The following SLC24A3 variants were observed in gnomAD, a reference collection of about 807,000 sequenced individuals.
SLC24A3 encodes solute carrier family 24 member 3.
SLC24A3 carries 28 observed loss-of-function variants against 75.8 expected under a neutral mutation model. The ratio of observed to expected loss-of-function variants is 0.37; its 90% CI spans 0.27 to 0.51. The LOEUF is 0.51. Among genes scored for constraint, SLC24A3 ranks in the 20% least tolerant of loss-of-function variants. The pLI is 0.94. For missense variants in SLC24A3, 663 were observed against 847.8 expected (o/e 0.78, Z 2.71); for synonymous variants, 372 against 334.1 (o/e 1.11, Z -1.24).
At chr20:19,692,370 A>G (rs1195504449) in intron 12 of SLC24A3, among the ~76,000 whole-genome samples, 1 of 152,218 alleles carries the variant, frequency 6.6e-6, no homozygotes, top group Non-Finnish European at 1.5e-5. Context: ...CAAACTGGCA[A>G]CAAACAAATG....
intron 15 of SLC24A3, among the ~76,000 whole-genome samples, chr20:19,703,493 A>G (rs2032896370): frequency 6.6e-6 from 1 of 152,222 alleles, no homozygotes; most frequent in Non-Finnish European, 1.5e-5. Context: ...GCAGCAAGCA[A>G]TCCCTTTGTA....
rs531616364 is a variant in SLC24A3, at chr20:19,644,100, G to T, written c.613-9962G>T. ...AGGGTTGCTGCTCAAAATAGATGAA[G>T]TATGAAGCCCCAAACAAGTGGTGCT... On this transcript the variant is annotated intron_variant, in intron 6 of 16. Coordinates refer to ENST00000328041, the MANE Select transcript of SLC24A3 (RefSeq NM_020689.4). Among the ~76,000 whole-genome samples, 9 of 152,270 alleles carry T rather than the reference G, an allele frequency of 5.9e-5. No individual in the cohort carries two copies. In the East Asian group the frequency reaches 1.7e-3, roughly 29 times the overall value.
chr20:19,555,760 T>A (rs2030772411), intron 3 of SLC24A3, among the ~76,000 whole-genome samples: 1 of 152,192 alleles, frequency 6.6e-6, no homozygotes, highest in African/African-American at 2.4e-5. Flanking sequence ...TAAATTACTC[T>A]GAGTTTTGAA....
Position 19,262,712 on chromosome 20 carries a change from A to T in SLC24A3, c.143-18247A>T, listed in dbSNP as rs143962397. ...ATGGGGACTGGTGGAAGGGATCTTG[A>T]GAAAAAGACAATGTGTGTGGTATCT... On this transcript the variant is annotated intron_variant, in intron 1 of 16. Transcript: ENST00000328041. Among the ~76,000 whole-genome samples, 345 of 152,244 alleles carry T rather than the reference A, an allele frequency of 2.3e-3. 3 individuals are homozygous for T. The highest frequency in any genetic ancestry group is 8.2e-3 in the African/African-American group (340 of 41,532).
At chr20:19,280,293 T>A (rs1983620228) in intron 1 of SLC24A3, among the ~76,000 whole-genome samples, 1 of 152,198 alleles carries the variant, frequency 6.6e-6, no homozygotes, top group Non-Finnish European at 1.5e-5. Context: ...TCTTGTTCAT[T>A]GAAAACATGC....
At chr20:19,462,308 G>A (rs1323846624) in intron 2 of SLC24A3, among the ~76,000 whole-genome samples, 3 of 151,458 alleles carry the variant, frequency 2.0e-5, no homozygotes, top group Non-Finnish European at 4.4e-5. Flanking sequence ...TGCCCAGGCT[G>A]GAGTGCAGTG....
chr20:19,585,050 T>A lies in SLC24A3; in HGVS notation c.503T>A (p.Val168Asp). ...TCGGCCCCAGAGCTGTTCACATCGGTCATAGGTAGGTGACAGACTGAGGGA... is the reference window on the plus strand; with the variant it reads ...TCGGCCCCAGAGCTGTTCACATCGGACATAGGTAGGTGACAGACTGAGGGA... ...GSSAPELFTS[V>D]IGVFITKGDV... Residue 168 changes from valine to aspartate, a missense_variant, in exon 5 of 17, where the codon GTC becomes GAC. Val to Asp is a radical substitution (Grantham distance 152). Coordinates refer to ENST00000328041, the MANE Select transcript of SLC24A3 (RefSeq NM_020689.4). 6.2e-7 allele frequency: 1 copy of A among 1,612,672 alleles called. No individual in the cohort carries two copies. Among genetic ancestry groups the A allele is most frequent in the Non-Finnish European group, 8.5e-7 (1 of 1,178,802 alleles).
chr20:19,538,575 C>T (rs2030440975), intron 3 of SLC24A3, among the ~76,000 whole-genome samples: 1 of 152,074 alleles, frequency 6.6e-6, no homozygotes, highest in African/African-American at 2.4e-5. Context: ...AATGTAGTAC[C>T]ACTATACACC....
At chr20:19,430,804 A>G (rs991434385) in intron 2 of SLC24A3, among the ~76,000 whole-genome samples, 1 of 138,468 alleles carries the variant, frequency 7.2e-6, no homozygotes, top group Non-Finnish European at 1.5e-5. Context: ...ACTTGCACTC[A>G]TGGACACACA....
chr20:19,703,064 C>T (rs747987916), intron 15 of SLC24A3, among the ~76,000 whole-genome samples: 3 of 152,250 alleles, frequency 2.0e-5, no homozygotes, highest in East Asian at 1.9e-4. Flanking sequence ...TGAACTGAAT[C>T]GGGGAGTGAG....
At chr20:19,240,884 T>C (rs540319054) in intron 1 of SLC24A3, among the ~76,000 whole-genome samples, 33 of 152,254 alleles carry the variant, frequency 2.2e-4, no homozygotes, top group African/African-American at 7.9e-4. Flanking sequence ...AGGCAGCTTC[T>C]CTGGACATGG....
rs190475178 is a variant in SLC24A3, at chr20:19,355,342, A to T, written c.271+74255A>T. ...CTTCACATGATAACCACTGATTAAA[A>T]TCCAAAAAATGAGACAGAAAGAAGA... On this transcript the variant is annotated intron_variant, in intron 2 of 16. Transcript: ENST00000328041. Among the ~76,000 whole-genome samples, 29 of 152,336 alleles carry T rather than the reference A, an allele frequency of 1.9e-4. No homozygotes were observed. The East Asian group carries it at 5.4e-3, about 28-fold the overall frequency.
At chr20:19,397,630 T>C (rs13036476) in intron 2 of SLC24A3, among the ~76,000 whole-genome samples, 1 of 136,088 alleles carries the variant, frequency 7.3e-6, no homozygotes, top group South Asian at 2.3e-4. Flanking sequence ...GAAAAGGTTG[T>C]GCTTTTTTTT....
intron 2 of SLC24A3, among the ~76,000 whole-genome samples, chr20:19,348,514 G>A (rs1985486363): frequency 6.6e-6 from 1 of 152,132 alleles, no homozygotes; most frequent in African/African-American, 2.4e-5. Flanking sequence ...TAGCCACCCT[G>A]TTTATCTCTT....
chr20:19,637,459 G>A (rs2032015370), intron 6 of SLC24A3, among the ~76,000 whole-genome samples: 1 of 152,158 alleles, frequency 6.6e-6, no homozygotes, highest in South Asian at 2.1e-4. Flanking sequence ...TCAGATAACA[G>A]GTTCTGTTTT....
At chr20:19,608,299 G>A (rs2122660171) in intron 6 of SLC24A3, among the ~76,000 whole-genome samples, 1 of 152,286 alleles carries the variant, frequency 6.6e-6, no homozygotes, top group Non-Finnish European at 1.5e-5. Flanking sequence ...AGAGTGTATA[G>A]AAAAATACAT....
At chr20:19,568,697 G>A (rs2031001284) in intron 3 of SLC24A3, among the ~76,000 whole-genome samples, 5 of 152,084 alleles carry the variant, frequency 3.3e-5, no homozygotes, top group Admixed American at 3.3e-4. Context: ...ATGGTTTCAT[G>A]GCATGAATGC....
chr20:19,523,396 C>G (rs1291285893), intron 3 of SLC24A3, among the ~76,000 whole-genome samples: 3 of 152,184 alleles, frequency 2.0e-5, no homozygotes, highest in Non-Finnish European at 4.4e-5. Context: ...CTGAGCATGT[C>G]CTTAATTTGT....
chr20:19,212,683 C>T lies in SLC24A3; in HGVS notation c.-160C>T. On this transcript the variant is annotated 5_prime_UTR_variant, in exon 1 of 17. Transcript: ENST00000328041. ...GCGACGACGAGGAGACGGGCAGCGG[C>T]GAGGAGGAGGAAGAGGAGGCGGAGG... 1 of 375,336 alleles carries T rather than the reference C, an allele frequency of 2.7e-6. No individual in the cohort carries two copies. Among genetic ancestry groups the T allele is most frequent in the Non-Finnish European group, 3.7e-6 (1 of 273,710 alleles). 23.3% of individuals were successfully genotyped at this position (375,336 alleles called of 1,614,324 possible).
Sources: gnomAD v4.1 joint callset for allele counts (sites outside exome capture counted in the v4.1 genomes callset) on GRCh38, gnomAD v4.1.1 for gene constraint, MANE v1.5 for transcripts, NCBI Gene and HGNC (gene_info 2026-07-23, HGNC 2026-07-21) for gene names.